HDAC1: variants seen among roughly 807,000 people sequenced by gnomAD.
HDAC1 encodes protein deacetylase HDAC1.
Under a neutral mutation model 65.5 loss-of-function variants are expected in HDAC1, and 18 were observed. The observed-to-expected ratio is 0.27, with a 90% CI of 0.19 to 0.41. The LOEUF (loss-of-function observed/expected upper bound fraction) is 0.41, where lower values mean the gene tolerates loss of function less well. Among genes scored for constraint, HDAC1 ranks in the 10% least tolerant of loss-of-function variants. The probability of loss-of-function intolerance (pLI) is 1.00; values close to 1 mark genes in which losing one functional copy is unlikely to be tolerated. For synonymous variants in HDAC1, 211 were observed against 227.9 expected, an observed-to-expected ratio of 0.93 and a Z score of 0.67; for missense variants, 373 against 625.2, an observed-to-expected ratio of 0.60 and a Z score of 4.30.
intron 12 of HDAC1, 111 bp from the exon 13 acceptor site, chr1:32,332,590 T>C (rs1432493081): frequency 6.2e-6 from 5 of 802,530 alleles, no homozygotes; most frequent in South Asian, 3.2e-5. Context: ...CTTTTCTCTC[T>C]TTATGTCCAG....
rs908721693 is a variant in HDAC1 at position 32,333,179 on chromosome 1, C to T, written c.*135C>T. On this transcript the variant is annotated 3_prime_UTR_variant, in exon 14 of 14. Coordinates refer to ENST00000373548, the MANE Select transcript of HDAC1 (RefSeq NM_004964.3). Reference sequence around the variant, plus strand: ...TATAAATATCCCCAGGGACAGAAACCAAGGCCCCGAGCTCAGGGCAGCTGT... The same window carrying T: ...TATAAATATCCCCAGGGACAGAAACTAAGGCCCCGAGCTCAGGGCAGCTGT... 3.7e-5 allele frequency: 27 copies of T among 727,512 alleles called. No homozygotes were observed. The highest frequency in any genetic ancestry group is 3.4e-4 in the African/African-American group (19 of 55,270). 45.1% of individuals were successfully genotyped at this position (727,512 alleles called of 1,614,324 possible). A position where few individuals can be genotyped will look rare whatever the true frequency, so the allele number is the denominator to read the frequency against.
At position 32,332,626 on chromosome 1, in the gene HDAC1, C is replaced by G. The variant is rs1641310609; in HGVS notation, c.1373-75C>G. On this transcript the variant is annotated intron_variant, in intron 12 of 13. Coordinates refer to ENST00000373548, the MANE Select transcript of HDAC1 (RefSeq NM_004964.3). ...TGAGCTGTAGTGTTGGGGAAGGGGTCTCAGGGTAAATGAAGACCTCATGGG... is the reference window on the plus strand; with the variant it reads ...TGAGCTGTAGTGTTGGGGAAGGGGTGTCAGGGTAAATGAAGACCTCATGGG... 60 of 1,077,398 alleles carry G rather than the reference C, an allele frequency of 5.6e-5. 1 individual carries two copies. In the South Asian group the frequency reaches 8.1e-4, roughly 15 times the overall value. 66.7% of individuals were successfully genotyped at this position (1,077,398 alleles called of 1,614,324 possible).
At chr1:32,321,600 A>C (rs1183909709) in intron 3 of HDAC1, among the ~76,000 whole-genome samples, 1 of 152,086 alleles carries the variant, frequency 6.6e-6, no homozygotes, top group African/African-American at 2.4e-5. Flanking sequence ...CCCTACCCTC[A>C]CAGATTAGCT....
chr1:32,331,330 T>C lies in HDAC1; in HGVS notation c.980-144T>C. On this transcript the variant is annotated intron_variant, in intron 9 of 13. Coordinates refer to ENST00000373548, the MANE Select transcript of HDAC1 (RefSeq NM_004964.3). The surrounding 1 kb of genome is among the most constrained non-coding windows in gnomAD (Gnocchi z 4.2). The stretch of plus-strand genomic sequence containing the variant: ...AAGATGGAAATCCCATAGGTACCCG[T>C]GTCTCACAGTGTCTTGGAGGCATTC... 1.6e-6 allele frequency: 1 copy of C among 631,912 alleles called. No homozygotes were observed. Among genetic ancestry groups the C allele is most frequent in the Admixed American group, 2.8e-5 (1 of 36,026 alleles). The allele number at this position is 631,912 out of a possible 1,614,324, so 39.1% of individuals were successfully genotyped here.
At chr1:32,309,498 C>T (rs1390664822) in intron 2 of HDAC1, among the ~76,000 whole-genome samples, 2 of 152,012 alleles carry the variant, frequency 1.3e-5, no homozygotes, top group Non-Finnish European at 2.9e-5. Flanking sequence ...ACAAACCTGG[C>T]CAACATGGTG....
intron 1 of HDAC1, among the ~76,000 whole-genome samples, chr1:32,298,042 G>C (rs1386541691): frequency 4.7e-5 from 7 of 150,320 alleles, no homozygotes; most frequent in Non-Finnish European, 1.0e-4. Context: ...GCCCGCCTCG[G>C]CCTCCCAAAG....
rs527467185 is a variant in HDAC1, at chr1:32,320,792, C to T, written c.281-3687C>T. On this transcript the variant is annotated intron_variant, in intron 3 of 13. Transcript: ENST00000373548. ...GTATATGCCTGTAATCCCAGCTACTCGGGAGGCTGAGGCATGAGAATTGTT... is the reference window on the plus strand; with the variant it reads ...GTATATGCCTGTAATCCCAGCTACTTGGGAGGCTGAGGCATGAGAATTGTT... Among the ~76,000 whole-genome samples, 38 of 143,808 alleles carry T rather than the reference C, an allele frequency of 2.6e-4. No individual in the cohort carries two copies. In the East Asian group the frequency reaches 5.4e-3, roughly 20 times the overall value. 94.3% of individuals were successfully genotyped at this position (143,808 alleles called of 152,430 possible).
At chr1:32,309,424 C>T (rs1437468157) in intron 2 of HDAC1, among the ~76,000 whole-genome samples, 5 of 152,136 alleles carry the variant, frequency 3.3e-5, no homozygotes, top group African/African-American at 1.2e-4. Context: ...CCGTGGCTCA[C>T]GCCTGCAATC....
intron 1 of HDAC1, among the ~76,000 whole-genome samples, chr1:32,301,320 C>T (rs185921219): frequency 6.6e-6 from 1 of 152,242 alleles, no homozygotes; most frequent in Admixed American, 6.5e-5. Context: ...GTGGCAGGCG[C>T]CTGTAGTCCC....
At chr1:32,298,515 C>A (rs953493504) in intron 1 of HDAC1, among the ~76,000 whole-genome samples, 1 of 152,100 alleles carries the variant, frequency 6.6e-6, no homozygotes, top group Non-Finnish European at 1.5e-5. Context: ...TAGGCCCAGC[C>A]GGGAATAGAC....
At chr1:32,325,349 C>T (rs2148069457) in intron 4 of HDAC1, among the ~76,000 whole-genome samples, 1 of 152,248 alleles carries the variant, frequency 6.6e-6, no homozygotes. Context: ...CCAATATAAT[C>T]ATTGTGTCCA....
intron 1 of HDAC1, among the ~76,000 whole-genome samples, chr1:32,300,426 G>A (rs929609693): frequency 2.0e-5 from 3 of 151,964 alleles, no homozygotes; most frequent in Admixed American, 1.3e-4. Flanking sequence ...TTGGTGGCAC[G>A]CACCTGTAAT....
rs371522401 is a variant in HDAC1 at position 32,331,140 on chromosome 1, T to C, written c.979+232T>C. Among the ~76,000 whole-genome samples the C allele has an allele frequency of 1.6e-4, 25 of 152,304 alleles. No homozygotes were observed. The highest frequency in any genetic ancestry group is 5.8e-4 in the East Asian group (3 of 5,192). On this transcript the variant is annotated intron_variant, in intron 9 of 13. Coordinates refer to ENST00000373548, the MANE Select transcript of HDAC1 (RefSeq NM_004964.3). The surrounding 1 kb of genome is among the most constrained non-coding windows in gnomAD (Gnocchi z 4.2). ...GCTTTTGGTCTGGACAAAGTTCTCA[T>C]TGGTAATTTACAGCTTTGGAATTTC...
chr1:32,326,670 T>TAC lies in HDAC1; in HGVS notation c.356-258_356-257dup, dbSNP rs199894032. On this transcript the variant is annotated intron_variant, in intron 4 of 13. Coordinates refer to ENST00000373548, the MANE Select transcript of HDAC1 (RefSeq NM_004964.3). The stretch of plus-strand genomic sequence containing the variant: ...TTCATTAAAAAAATATATATATATA[T>TAC]ACACACACACACTAATCATGATGTA... Among the ~76,000 whole-genome samples, 1,067 of 151,638 alleles carry TAC rather than the reference T, an allele frequency of 7.0e-3. 9 individuals carry two copies. The highest frequency in any genetic ancestry group is 0.023 in the African/African-American group (971 of 41,320).
At position 32,329,113 on chromosome 1, in the gene HDAC1, CT is replaced by C; in HGVS notation, c.683del (p.Leu228ProfsTer21). The C allele has an allele frequency of 6.2e-7, 1 of 1,613,222 alleles. No homozygotes were observed. The highest frequency in any genetic ancestry group is 1.1e-5 in the South Asian group (1 of 91,062). On this transcript the variant is annotated frameshift_variant, in exon 7 of 14. Coordinates refer to ENST00000373548, the MANE Select transcript of HDAC1 (RefSeq NM_004964.3). LOFTEE classifies it high-confidence loss of function. The surrounding 1 kb of genome is among the most constrained non-coding windows in gnomAD (Gnocchi z 4.1). The part of the protein sequence containing the change: ...KGKYYAVNYP[L>X]RDGIDDESYE... ...CAAGTATTATGCTGTTAACTACCCGCTCCGAGACGGGATTGATGACGAGTCC... is the reference window on the plus strand; with the variant it reads ...CAAGTATTATGCTGTTAACTACCCGCCCGAGACGGGATTGATGACGAGTCC...
At position 32,292,088 on chromosome 1, in the gene HDAC1, C is replaced by A. The variant is rs1640704690; in HGVS notation, c.-82C>A. On this transcript the variant is annotated 5_prime_UTR_variant, in exon 1 of 14. Coordinates refer to ENST00000373548, the MANE Select transcript of HDAC1 (RefSeq NM_004964.3). ...GGGGCGGGCCGGAGGCCCGCCCCCT[C>A]CCCCCTGGGTCGGACGCTGAGCGGA... is the stretch of plus-strand genomic sequence containing the variant. 2 of 1,353,460 alleles carry A rather than the reference C, an allele frequency of 1.5e-6. No homozygotes were observed. The highest frequency in any genetic ancestry group is 1.0e-6 in the Non-Finnish European group (1 of 980,710). The allele number at this position is 1,353,460 out of a possible 1,614,324, so 83.8% of individuals were successfully genotyped here.
chr1:32,330,531 C>T lies in HDAC1; in HGVS notation c.730-47C>T, dbSNP rs771053554. 7.5e-6 allele frequency: 10 copies of T among 1,335,558 alleles called. No individual in the cohort carries two copies. Among genetic ancestry groups the T allele is most frequent in the South Asian group, 2.3e-5 (2 of 85,302 alleles). The allele number at this position is 1,335,558 out of a possible 1,614,324, so 82.7% of individuals were successfully genotyped here. Reference sequence around the variant, plus strand: ...CACCCAGCCTTTCCACTCCAAACCTCGTATTGCTTTCTTGAGGTTGGTGGT... The same window carrying T: ...CACCCAGCCTTTCCACTCCAAACCTTGTATTGCTTTCTTGAGGTTGGTGGT... On this transcript the variant is annotated intron_variant, in intron 7 of 13. Transcript: ENST00000373548. The surrounding 1 kb of genome is among the most constrained non-coding windows in gnomAD (Gnocchi z 4.2).
intron 2 of HDAC1, among the ~76,000 whole-genome samples, chr1:32,311,415 C>T (rs765648547): frequency 3.3e-5 from 5 of 151,772 alleles, no homozygotes; most frequent in Non-Finnish European, 7.4e-5. Context: ...TGCAATGAGC[C>T]GAGATCGTGC....
rs777137616 is a variant in HDAC1, at chr1:32,330,566, G to A, written c.730-12G>A. The A allele has an allele frequency of 1.3e-6, 2 of 1,587,378 alleles. No individual in the cohort carries two copies. The highest frequency in any genetic ancestry group is 1.7e-6 in the Non-Finnish European group (2 of 1,155,798). ...TCTTGAGGTTGGTGGTGACCAGGAT[G>A]TATCATTTTAGGTCATGTCCAAAGT... On this transcript the variant is annotated splice_polypyrimidine_tract_variant and intron_variant, in intron 7 of 13. Coordinates refer to ENST00000373548, the MANE Select transcript of HDAC1 (RefSeq NM_004964.3). This position sits in a 1 kb window ranked among gnomAD's most constrained non-coding sequence, Gnocchi z 4.2.
Sources: gnomAD v4.1 joint callset for allele counts (sites outside exome capture counted in the v4.1 genomes callset) on GRCh38, gnomAD v4.1.1 for gene constraint, Gnocchi (gnomAD v3.1) non-coding constraint, MANE v1.5 for transcripts, NCBI Gene and HGNC (gene_info 2026-07-23, HGNC 2026-07-21) for gene names.